Variants in FAM13A observed in about 807,000 individuals in gnomAD.
The protein encoded by FAM13A is family with sequence similarity 13 member A, also known as protein FAM13A.
Under a neutral mutation model 129.6 loss-of-function variants are expected in FAM13A, and 76 were observed. That is an observed-to-expected ratio of 0.59 (90% CI 0.49 to 0.71). FAM13A has a LOEUF of 0.71. FAM13A is among the 30% of genes least tolerant of loss of function. The probability of loss-of-function intolerance (pLI) is 0.00; values close to 1 mark genes in which losing one functional copy is unlikely to be tolerated. For synonymous variants in FAM13A, 443 were observed against 449.9 expected, an observed-to-expected ratio of 0.98 and a Z score of 0.20; for missense variants, 1,108 against 1,249.3, an observed-to-expected ratio of 0.89 and a Z score of 1.70.
At chr4:88,785,256 G>C (rs910476700) in intron 10 of FAM13A, among the ~76,000 whole-genome samples, 1 of 151,928 alleles carries the variant, frequency 6.6e-6, no homozygotes, top group Non-Finnish European at 1.5e-5. Context: ...ACTTCATAAA[G>C]CTTATAGTTT....
intron 6 of FAM13A, among the ~76,000 whole-genome samples, chr4:88,859,377 C>A (rs1343982280): frequency 6.6e-6 from 1 of 152,064 alleles, no homozygotes; most frequent in East Asian, 1.9e-4. Context: ...AGGAGAGGAG[C>A]TGATCTTAGT....
At chr4:89,047,567 T>C (rs538570727) in intron 1 of FAM13A, among the ~76,000 whole-genome samples, 1 of 152,270 alleles carries the variant, frequency 6.6e-6, no homozygotes, top group Non-Finnish European at 1.5e-5. Context: ...TGAGAAACAT[T>C]TATTCATGAA....
chr4:88,860,401 A>C (rs1480894772), intron 6 of FAM13A, among the ~76,000 whole-genome samples: 1 of 152,154 alleles, frequency 6.6e-6, no homozygotes, highest in African/African-American at 2.4e-5. Flanking sequence ...CTTCTGGAAA[A>C]CGTCTAGAAA....
At chr4:89,053,512 G>A (rs569479401) in intron 1 of FAM13A, among the ~76,000 whole-genome samples, 4 of 152,094 alleles carry the variant, frequency 2.6e-5, no homozygotes, top group African/African-American at 9.6e-5. Context: ...TTTCTGTAAC[G>A]CGACTGTACG....
intron 18 of FAM13A, among the ~76,000 whole-genome samples, chr4:88,747,326 C>T (rs112732099): frequency 8.5e-5 from 13 of 152,132 alleles, no homozygotes; most frequent in African/African-American, 2.2e-4. Flanking sequence ...GACGGTTATA[C>T]GTTACATGGT....
At chr4:88,737,658 C>A in intron 20 of FAM13A, 103 bp from the exon 21 acceptor site, 3 of 889,910 alleles carry the variant, frequency 3.4e-6, no homozygotes, top group Non-Finnish European at 3.7e-6. Context: ...ACTTTTAACT[C>A]TGCATTCTTA....
rs569266023 is a variant in FAM13A at position 88,954,990 on chromosome 4, T to C, written c.606-16749A>G. 3.3e-5 allele frequency among the ~76,000 whole-genome samples: 5 copies of C among 152,262 alleles called. No individual in the cohort carries two copies. The East Asian group carries it at 9.7e-4, about 29-fold the overall frequency. On this transcript the variant is annotated intron_variant, in intron 4 of 23. Transcript: ENST00000264344. Reference sequence around the variant, plus strand: ...CCCTCTTTTCTGGTTATTGTCTTGATTCTAATCCCATCAGGATATTACTCT... The same window carrying C: ...CCCTCTTTTCTGGTTATTGTCTTGACTCTAATCCCATCAGGATATTACTCT...
intron 5 of FAM13A, among the ~76,000 whole-genome samples, chr4:88,931,052 T>G (rs938877097): frequency 7.2e-5 from 11 of 152,060 alleles, no homozygotes; most frequent in Non-Finnish European, 4.4e-5. Flanking sequence ...GGGGTCCCTC[T>G]CAGGCAAGAA....
rs187237671 is a variant in FAM13A at position 88,936,591 on chromosome 4, G to A, written c.759+1497C>T. 1.2e-3 allele frequency: 182 copies of A among 153,178 alleles called. 2 individuals carry two copies. The highest frequency in any genetic ancestry group is 0.011 in the Admixed American group (170 of 15,310). The allele number at this position is 153,178 out of a possible 1,614,324, so 9.5% of individuals were successfully genotyped here. Reference sequence around the variant, plus strand: ...CCCCAGCTCCAACACCAGGGACTGCGTTTCAATATGAGATTTGGAGGGGAC... The same window carrying A: ...CCCCAGCTCCAACACCAGGGACTGCATTTCAATATGAGATTTGGAGGGGAC... On this transcript the variant is annotated intron_variant, in intron 5 of 23. Coordinates refer to ENST00000264344, the MANE Select transcript of FAM13A (RefSeq NM_014883.4).
intron 7 of FAM13A, among the ~76,000 whole-genome samples, chr4:88,834,668 C>T (rs560614844): frequency 6.6e-6 from 1 of 152,194 alleles, no homozygotes; most frequent in South Asian, 2.1e-4. Flanking sequence ...CAAATCAATC[C>T]AATTTTAAAA....
At chr4:88,817,542 G>C (rs1731001043) in intron 7 of FAM13A, among the ~76,000 whole-genome samples, 1 of 151,022 alleles carries the variant, frequency 6.6e-6, no homozygotes, top group Non-Finnish European at 1.5e-5. Context: ...CAGCCTAGGG[G>C]ACAGAGCAAG....
At chr4:88,995,824 A>G (rs978335945) in intron 3 of FAM13A, among the ~76,000 whole-genome samples, 2 of 152,232 alleles carry the variant, frequency 1.3e-5, no homozygotes, top group Admixed American at 1.3e-4. Context: ...AGCAAACTCC[A>G]TGCTTTTATG....
chr4:88,990,345 A>G (rs541357297), intron 4 of FAM13A: 13 of 152,342 alleles, frequency 8.5e-5, no homozygotes, highest in African/African-American at 3.1e-4. Context: ...CTTAACTAGA[A>G]GAATGTATTT....
chr4:88,985,925 A>C (rs1223011137), intron 4 of FAM13A, among the ~76,000 whole-genome samples: 3 of 152,018 alleles, frequency 2.0e-5, no homozygotes, highest in Non-Finnish European at 4.4e-5. Flanking sequence ...TAAGGAACAC[A>C]TAGAAATAAG....
intron 21 of FAM13A, chr4:88,736,713 C>A (rs571963385): frequency 6.6e-6 from 1 of 152,198 alleles, no homozygotes; most frequent in Admixed American, 6.5e-5. Flanking sequence ...CCCACAGAGA[C>A]ACACTGATCT....
chr4:88,750,546 C>G lies in FAM13A; in HGVS notation c.1818G>C (p.Gln606His). Residue 606 changes from glutamine to histidine, a missense_variant, in exon 15 of 24, where the codon CAG (glutamine) becomes CAC (histidine). Coordinates refer to ENST00000264344, the MANE Select transcript of FAM13A (RefSeq NM_014883.4). ...TGGGGTCGCTGTCTTCGTCCAGCAG[C>G]TGACGGATCAGGCGCCCAGCCTGCG... ...LSPQAGRLIR[Q>H]LLDEDSDPML... is the part of the protein sequence containing the mutation. The G allele has an allele frequency of 6.2e-7, 1 of 1,614,188 alleles. No homozygotes were observed. The highest frequency in any genetic ancestry group is 8.5e-7 in the Non-Finnish European group (1 of 1,180,026).
intron 6 of FAM13A, among the ~76,000 whole-genome samples, chr4:88,901,873 A>G (rs1747352743): frequency 1.3e-5 from 2 of 152,154 alleles, no homozygotes; most frequent in African/African-American, 2.4e-5. Flanking sequence ...AATAAAAGAA[A>G]GAAGAATCAA....
chr4:88,815,301 C>G (rs1445886947), intron 7 of FAM13A, among the ~76,000 whole-genome samples: 2 of 152,144 alleles, frequency 1.3e-5, no homozygotes, highest in Non-Finnish European at 2.9e-5. Context: ...ACTTCCGAGG[C>G]TTCTCCTATC....
At chr4:88,912,652 A>G (rs1434342423) in intron 5 of FAM13A, among the ~76,000 whole-genome samples, 3 of 151,954 alleles carry the variant, frequency 2.0e-5, no homozygotes, top group Admixed American at 6.6e-5. Flanking sequence ...CAGGAGGAAA[A>G]CATTTTCCTA....
Sources: allele counts gnomAD v4.1 joint callset (sites outside exome capture counted in the v4.1 genomes callset), GRCh38; gene constraint gnomAD v4.1.1; transcripts MANE v1.5; gene names NCBI Gene and HGNC (gene_info 2026-07-23, HGNC 2026-07-21).